CAMTA1: variants seen among roughly 807,000 people sequenced by gnomAD.
The protein encoded by CAMTA1 is calmodulin binding transcription activator 1, also known as calmodulin-binding transcription activator 1.
In CAMTA1, 27 loss-of-function variants were observed where a neutral mutation model predicts 170.9. The ratio of observed to expected loss-of-function variants is 0.16; its 90% confidence interval spans 0.12 to 0.22. CAMTA1 has a LOEUF of 0.22. Among genes scored for constraint, CAMTA1 ranks in the 10% least tolerant of loss-of-function variants. The pLI is 1.00. For synonymous variants in CAMTA1, 833 were observed against 891.5 expected, an observed-to-expected ratio of 0.93 and a Z score of 1.17; for missense variants, 1,619 against 2,217.2, an observed-to-expected ratio of 0.73 and a Z score of 5.42.
intron 3 of CAMTA1, among the ~76,000 whole-genome samples, chr1:6,959,443 G>A (rs915774529): frequency 1.2e-4 from 18 of 152,194 alleles, no homozygotes; most frequent in African/African-American, 4.1e-4. Context: ...GGCCCAGGGC[G>A]ACTGGTAATC....
Position 7,195,397 on chromosome 1 carries a change from C to T in CAMTA1, c.303-54094C>T, listed in dbSNP as rs1385651909. Among the ~76,000 whole-genome samples, 1 of 152,200 alleles carries T rather than the reference C, an allele frequency of 6.6e-6. No individual in the cohort carries two copies. The highest frequency in any genetic ancestry group is 1.5e-5 in the Non-Finnish European group (1 of 68,028). Reference sequence around the variant, plus strand: ...TGTCTTGGCTATTTGGAAGCACATTCAGTGCTGAGCTTCCCTGGGCTTGGT... The same window carrying T: ...TGTCTTGGCTATTTGGAAGCACATTTAGTGCTGAGCTTCCCTGGGCTTGGT... On this transcript the variant is annotated intron_variant, in intron 4 of 22. Coordinates refer to ENST00000303635, the MANE Select transcript of CAMTA1 (RefSeq NM_015215.4). The surrounding 1 kb of genome is among the most constrained non-coding windows in gnomAD (Gnocchi z 4.1).
At chr1:7,488,595 C>T (rs2093652460) in intron 6 of CAMTA1, among the ~76,000 whole-genome samples, 1 of 152,148 alleles carries the variant, frequency 6.6e-6, no homozygotes, top group Non-Finnish European at 1.5e-5. Context: ...TGTACACATA[C>T]ATGCATGATA....
chr1:7,369,787 A>G (rs1025122254), intron 5 of CAMTA1, among the ~76,000 whole-genome samples: 13 of 151,974 alleles, frequency 8.6e-5, no homozygotes, highest in Non-Finnish European at 1.6e-4. Flanking sequence ...CCCTTATCAC[A>G]TTGTTAGACT....
intron 3 of CAMTA1, among the ~76,000 whole-genome samples, chr1:6,951,704 C>A (rs1292658995): frequency 5.9e-5 from 9 of 152,134 alleles, no homozygotes; most frequent in Admixed American, 6.5e-5. Flanking sequence ...CTATAGCTCC[C>A]CAGAGTGGGT....
At chr1:7,200,257 CT>C (rs1478983104) in intron 4 of CAMTA1, among the ~76,000 whole-genome samples, 2 of 152,186 alleles carry the variant, frequency 1.3e-5, no homozygotes, top group Admixed American at 1.3e-4. Flanking sequence ...CATGAAGCTT[CT>C]TACCTCTAAA....
chr1:6,944,052 C>T (rs1482053410), intron 3 of CAMTA1, among the ~76,000 whole-genome samples: 2 of 152,078 alleles, frequency 1.3e-5, no homozygotes, highest in African/African-American at 4.8e-5. Flanking sequence ...GCCGCTGGCA[C>T]CCCTGCATTT....
chr1:6,923,579 T>G (rs1388635851), intron 3 of CAMTA1, among the ~76,000 whole-genome samples: 1 of 151,914 alleles, frequency 6.6e-6, no homozygotes, highest in Admixed American at 6.6e-5. Context: ...GGTCCACAGG[T>G]GTGAAATGGA....
intron 4 of CAMTA1, among the ~76,000 whole-genome samples, chr1:7,091,650 A>C (rs1000629229): frequency 2.0e-5 from 3 of 152,218 alleles, no homozygotes; most frequent in Non-Finnish European, 2.9e-5. Context: ...CACAGGCAGG[A>C]GCCTCAGGGG....
At chr1:6,968,189 G>A in intron 3 of CAMTA1, among the ~76,000 whole-genome samples, 1 of 152,150 alleles carries the variant, frequency 6.6e-6, no homozygotes, top group East Asian at 1.9e-4. Context: ...TCCGCTTGGT[G>A]TGCCGAGAAA....
intron 18 of CAMTA1, among the ~76,000 whole-genome samples, chr1:7,747,086 A>G (rs191218370): frequency 6.6e-6 from 1 of 152,368 alleles, no homozygotes; most frequent in East Asian, 1.9e-4. Context: ...AATGTTAGCC[A>G]ATAATGTAAT....
At chr1:6,794,669 T>C (rs1642003394) in intron 1 of CAMTA1, among the ~76,000 whole-genome samples, 1 of 152,166 alleles carries the variant, frequency 6.6e-6, no homozygotes, top group African/African-American at 2.4e-5. Flanking sequence ...ATTAGACATC[T>C]AGGAATCAGT....
At chr1:7,109,963 A>G (rs532482945) in intron 4 of CAMTA1, among the ~76,000 whole-genome samples, 123 of 152,306 alleles carry the variant, frequency 8.1e-4, no homozygotes, top group Non-Finnish European at 1.6e-3. Context: ...TTATGGGGGC[A>G]GATTTGGCCT....
chr1:6,840,677 G>A (rs1655308387), intron 3 of CAMTA1, among the ~76,000 whole-genome samples: 1 of 152,182 alleles, frequency 6.6e-6, no homozygotes, highest in Admixed American at 6.5e-5. Flanking sequence ...AGCCGTCAAT[G>A]CGCAGGTGAC....
intron 3 of CAMTA1, among the ~76,000 whole-genome samples, chr1:6,844,337 T>G (rs1446255763): frequency 6.6e-6 from 1 of 151,954 alleles, no homozygotes; most frequent in East Asian, 1.9e-4. Flanking sequence ...TATTTACAAT[T>G]TGTGCTGTTT....
chr1:7,493,402 CAA>C (rs2093768230), intron 6 of CAMTA1, among the ~76,000 whole-genome samples: 1 of 147,956 alleles, frequency 6.8e-6, no homozygotes, highest in Non-Finnish European at 1.5e-5. Flanking sequence ...TGCACACACA[CAA>C]AAACACAAAC....
intron 3 of CAMTA1, among the ~76,000 whole-genome samples, chr1:6,840,957 A>G (rs1308391850): frequency 6.6e-6 from 1 of 152,218 alleles, no homozygotes; most frequent in African/African-American, 2.4e-5. Context: ...TCTGTAGGTC[A>G]GTCATCTGAC....
chr1:7,294,477 G>T (rs1673632176), intron 5 of CAMTA1, among the ~76,000 whole-genome samples: 1 of 152,192 alleles, frequency 6.6e-6, no homozygotes, highest in Non-Finnish European at 1.5e-5. Flanking sequence ...AGTGTGCGGG[G>T]GACAGGTGAT....
intron 4 of CAMTA1, among the ~76,000 whole-genome samples, chr1:7,190,659 T>A (rs531923626): frequency 2.2e-4 from 33 of 152,166 alleles, no homozygotes; most frequent in African/African-American, 7.7e-4. Flanking sequence ...TTTTGTAATT[T>A]AAAAAAATAG....
At chr1:7,586,550 C>T (rs1275623021) in intron 6 of CAMTA1, among the ~76,000 whole-genome samples, 1 of 152,176 alleles carries the variant, frequency 6.6e-6, no homozygotes, top group Non-Finnish European at 1.5e-5. Context: ...GGGCCCAGGC[C>T]TAACTGGCAC....
Sources: gnomAD v4.1 joint callset for allele counts (sites outside exome capture counted in the v4.1 genomes callset) on GRCh38, gnomAD v4.1.1 for gene constraint, Gnocchi (gnomAD v3.1) non-coding constraint, MANE v1.5 for transcripts, NCBI Gene and HGNC (gene_info 2026-07-23, HGNC 2026-07-21) for gene names.